Variants in CDH23 observed in about 807,000 individuals in gnomAD.
The protein encoded by CDH23 is cadherin-23.
In CDH23, 189 loss-of-function variants were observed where a neutral mutation model predicts 317.1. That is an observed-to-expected ratio of 0.60 (90% CI 0.53 to 0.67). The LOEUF is 0.67. Ranked by LOEUF, CDH23 falls within the 30% of genes least tolerant of loss-of-function variation. The pLI, the probability that CDH23 is intolerant of heterozygous loss-of-function variation, is 0.00. For synonymous variants in CDH23, 1,839 were observed against 1,876.8 expected (o/e 0.98, Z 0.52); for missense variants, 4,401 against 4,592.4 (o/e 0.96, Z 1.20).
chr10:71,560,516 G>A (rs185685997), intron 6 of CDH23, among the ~76,000 whole-genome samples: 68 of 152,122 alleles, frequency 4.5e-4, no homozygotes, highest in African/African-American at 1.6e-3. Context: ...CTGAGGTCTG[G>A]GCACAGAAAG....
chr10:71,718,333 G>A (rs553538548), intron 28 of CDH23, among the ~76,000 whole-genome samples: 92 of 152,322 alleles, frequency 6.0e-4, no homozygotes, highest in Middle Eastern at 3.4e-3. Context: ...AGCCAACTGA[G>A]GGCATGCAGA....
At chr10:71,670,637 C>T (rs776000256) in intron 14 of CDH23, among the ~76,000 whole-genome samples, 2 of 152,068 alleles carry the variant, frequency 1.3e-5, no homozygotes, top group Non-Finnish European at 2.9e-5. Context: ...TGGGGTGTAC[C>T]AGGGAAGAGG....
chr10:71,471,112 C>A (rs1851484361), intron 3 of CDH23, among the ~76,000 whole-genome samples: 1 of 152,132 alleles, frequency 6.6e-6, no homozygotes, highest in Non-Finnish European at 1.5e-5. Context: ...TTGGCAGTGT[C>A]TTTTGAAGAG....
intron 6 of CDH23, among the ~76,000 whole-genome samples, chr10:71,532,442 G>A (rs1855427937): frequency 6.6e-6 from 1 of 152,188 alleles, no homozygotes; most frequent in South Asian, 2.1e-4. Context: ...GAGCGTCAGG[G>A]GTGGAGGGGA....
intron 11 of CDH23, among the ~76,000 whole-genome samples, chr10:71,631,140 G>T (rs1307239182): frequency 6.6e-6 from 1 of 152,194 alleles, no homozygotes; most frequent in Non-Finnish European, 1.5e-5. Flanking sequence ...AGCTGCTGGG[G>T]AGCTGAGGCA....
intron 1 of CDH23, among the ~76,000 whole-genome samples, chr10:71,398,190 C>G (rs1847613412): frequency 6.6e-6 from 1 of 152,240 alleles, no homozygotes; most frequent in African/African-American, 2.4e-5. Flanking sequence ...AGCCGCCGCC[C>G]CACTGCGACC....
chr10:71,534,773 G>C (rs181470610), intron 6 of CDH23, among the ~76,000 whole-genome samples: 3 of 152,360 alleles, frequency 2.0e-5, no homozygotes, highest in Admixed American at 2.0e-4. Flanking sequence ...TGTGCTGGAA[G>C]ATATGACAGG....
intron 66 of CDH23, 181 bp from the exon 67 acceptor site, chr10:71,812,298 TC>T (rs747126416): frequency 6.3e-7 from 1 of 1,598,758 alleles, no homozygotes; most frequent in South Asian, 1.1e-5. Flanking sequence ...TGACATGCGG[TC>T]CTGGTTCCAG....
chr10:71,527,133 T>G (rs558534913), intron 6 of CDH23, among the ~76,000 whole-genome samples: 32 of 151,890 alleles, frequency 2.1e-4, no homozygotes, highest in African/African-American at 7.7e-4. Flanking sequence ...TAGGACAGAG[T>G]GGGGTGGGGA....
chr10:71,607,364 G>A (rs748045600), intron 9 of CDH23, among the ~76,000 whole-genome samples: 2 of 152,236 alleles, frequency 1.3e-5, no homozygotes, highest in Admixed American at 6.5e-5. Flanking sequence ...CTCACTGCCT[G>A]GATGATCGAG....
chr10:71,418,376 G>A (rs1260784789), intron 1 of CDH23, among the ~76,000 whole-genome samples: 2 of 152,132 alleles, frequency 1.3e-5, no homozygotes, highest in African/African-American at 4.8e-5. Context: ...TCCAGATTCG[G>A]TTAGTCATTG....
chr10:71,678,914 G>A (rs1405135080), intron 16 of CDH23, among the ~76,000 whole-genome samples: 4 of 152,144 alleles, frequency 2.6e-5, no homozygotes, highest in Admixed American at 6.5e-5. Context: ...TGAAGCTGAC[G>A]GTCTAAGTGA....
chr10:71,664,220 G>A (rs1010654512), intron 14 of CDH23, among the ~76,000 whole-genome samples: 4 of 152,134 alleles, frequency 2.6e-5, no homozygotes, highest in Admixed American at 6.5e-5. Flanking sequence ...TTGACATACC[G>A]TAATTGCTTC....
At chr10:71,676,297 G>A (rs903781777) in intron 15 of CDH23, among the ~76,000 whole-genome samples, 36 of 152,004 alleles carry the variant, frequency 2.4e-4, no homozygotes, top group African/African-American at 8.7e-4. Context: ...CAGCTTGAAT[G>A]ACTGGCCCCA....
At chr10:71,621,317 C>A (rs1032034701) in intron 11 of CDH23, among the ~76,000 whole-genome samples, 1 of 152,190 alleles carries the variant, frequency 6.6e-6, no homozygotes, top group Admixed American at 6.5e-5. Flanking sequence ...GCAGAGCAGT[C>A]AGAACCCTCT....
In CDH23 at chr10:71,396,957, A is replaced by C. The variant is rs1014540757; in HGVS notation, c.-367A>C. On this transcript the variant is annotated 5_prime_UTR_variant, in exon 1 of 70. Coordinates refer to ENST00000224721, the MANE Select transcript of CDH23 (RefSeq NM_022124.6). The surrounding 1 kb of genome is among the most constrained non-coding windows in gnomAD (Gnocchi z 4.2). Reference sequence around the variant, plus strand: ...GAGCGGCGGCGGCGGCTCGGGAGAGAGGGACGCGGGCTGCAGGCGCGATGC... The same window carrying C: ...GAGCGGCGGCGGCGGCTCGGGAGAGCGGGACGCGGGCTGCAGGCGCGATGC... The C allele has an allele frequency of 3.3e-5, 5 of 151,688 alleles. No homozygotes were observed. The highest frequency in any genetic ancestry group is 1.3e-4 in the Admixed American group (2 of 15,144). 9.4% of individuals were successfully genotyped at this position (151,688 alleles called of 1,614,324 possible).
intron 1 of CDH23, among the ~76,000 whole-genome samples, chr10:71,401,969 C>T (rs1431695677): frequency 6.6e-6 from 1 of 152,160 alleles, no homozygotes; most frequent in Non-Finnish European, 1.5e-5. Context: ...ATATTCTTAC[C>T]AACCTCATTG....
intron 1 of CDH23, among the ~76,000 whole-genome samples, chr10:71,430,573 C>T (rs1298574897): frequency 6.6e-6 from 1 of 152,164 alleles, no homozygotes; most frequent in South Asian, 2.1e-4. Flanking sequence ...CTTTGGGAGG[C>T]CGAGGTGGGC....
At chr10:71,500,799 C>CT (rs1853268132) in intron 3 of CDH23, among the ~76,000 whole-genome samples, 1 of 145,160 alleles carries the variant, frequency 6.9e-6, no homozygotes, top group African/African-American at 2.7e-5. Context: ...CTTTTCTTTT[C>CT]TTTTCTTTTC....
Sources: gnomAD v4.1 joint callset for allele counts (sites outside exome capture counted in the v4.1 genomes callset) on GRCh38, gnomAD v4.1.1 for gene constraint, Gnocchi (gnomAD v3.1) non-coding constraint, MANE v1.5 for transcripts, NCBI Gene and HGNC (gene_info 2026-07-23, HGNC 2026-07-21) for gene names.